TNPO1: variants seen among roughly 807,000 people sequenced by gnomAD.
The protein encoded by TNPO1 is transportin-1.
Under a neutral mutation model 119.5 loss-of-function variants are expected in TNPO1, and 8 were observed. That is an observed-to-expected ratio of 0.07 (90% CI 0.04 to 0.12). The LOEUF is 0.12. Ranked by LOEUF, TNPO1 falls within the 10% of genes least tolerant of loss-of-function variation. The pLI, the probability that TNPO1 is intolerant of heterozygous loss-of-function variation, is 1.00. For missense variants in TNPO1, 576 were observed against 1,089.8 expected (o/e 0.53, Z 6.64); for synonymous variants, 362 against 363.0 (o/e 1.00, Z 0.03).
At chr5:72,864,693 C>T (rs1055865842) in intron 5 of TNPO1, among the ~76,000 whole-genome samples, 2 of 152,260 alleles carry the variant, frequency 1.3e-5, no homozygotes, top group African/African-American at 4.8e-5. Context: ...ACTGCACCCT[C>T]TGCCTCCCAG....
intron 22 of TNPO1, among the ~76,000 whole-genome samples, chr5:72,903,095 A>C (rs1469623866): frequency 1.3e-5 from 2 of 152,190 alleles, no homozygotes; most frequent in African/African-American, 4.8e-5. Flanking sequence ...AAAGCATATT[A>C]TTATCTTGTT....
intron 2 of TNPO1, among the ~76,000 whole-genome samples, chr5:72,849,767 T>C (rs1745409165): frequency 6.6e-6 from 1 of 152,190 alleles, no homozygotes; most frequent in Admixed American, 6.5e-5. Flanking sequence ...GTTTGTATCT[T>C]GTAAACAGTG....
intron 24 of TNPO1, 99 bp downstream of exon 24, chr5:72,905,544 A>G (rs933917290): frequency 1.9e-5 from 11 of 579,952 alleles, no homozygotes; most frequent in Middle Eastern, 3.2e-4. Context: ...TTTGTTTTCT[A>G]TAGAGGTTGA....
At position 72,912,576 on chromosome 5, in the gene TNPO1, T is replaced by C. The variant is rs894410264; in HGVS notation, c.*3903T>C. On this transcript the variant is annotated 3_prime_UTR_variant, in exon 25 of 25. Transcript: ENST00000337273. ...ATCTTTCCATTTAGTCTGATTTTTT[T>C]CCTAATATTCTAGCAGGCTGGGGTG... is the stretch of plus-strand genomic sequence containing the variant. 1.1e-4 allele frequency: 17 copies of C among 152,450 alleles called. No individual in the cohort carries two copies. Among genetic ancestry groups the C allele is most frequent in the African/African-American group, 3.9e-4 (16 of 41,434 alleles). The allele number at this position is 152,450 out of a possible 1,614,324, so 9.4% of individuals were successfully genotyped here.
Position 72,913,871 on chromosome 5 carries a change from TTTAC to T in TNPO1, c.*5202_*5205del, listed in dbSNP as rs935485645. On this transcript the variant is annotated 3_prime_UTR_variant, in exon 25 of 25. Transcript: ENST00000337273. ...AATTAGACAATACTGTATAATTAGT[TTTAC>T]TTAATAGATTATCATCTTGTGAGAA... The T allele has an allele frequency of 5.2e-5, 8 of 152,514 alleles. No individual in the cohort carries two copies. The highest frequency in any genetic ancestry group is 1.9e-4 in the African/African-American group (8 of 41,446). The allele number at this position is 152,514 out of a possible 1,614,324, so 9.4% of individuals were successfully genotyped here.
At chr5:72,840,465 G>A (rs892564271) in intron 1 of TNPO1, among the ~76,000 whole-genome samples, 1 of 152,180 alleles carries the variant, frequency 6.6e-6, no homozygotes, top group Non-Finnish European at 1.5e-5. Context: ...GCATGGTTCA[G>A]ACTTTGGAAT....
At chr5:72,884,376 C>G (rs1207129036) in intron 11 of TNPO1, among the ~76,000 whole-genome samples, 1 of 152,124 alleles carries the variant, frequency 6.6e-6, no homozygotes, top group East Asian at 1.9e-4. Context: ...TGTTTTAATA[C>G]TGTAAGAACA....
intron 1 of TNPO1, among the ~76,000 whole-genome samples, chr5:72,820,597 C>T (rs1441001566): frequency 6.6e-6 from 1 of 152,106 alleles, no homozygotes; most frequent in Admixed American, 6.5e-5. Flanking sequence ...GATGAGAAAA[C>T]AAAGTGTAAA....
intron 16 of TNPO1, 43 bp downstream of exon 16, chr5:72,893,289 A>G (rs760662922): frequency 3.1e-6 from 5 of 1,605,794 alleles, no homozygotes; most frequent in Non-Finnish European, 2.6e-6. Context: ...CATGGTGGAC[A>G]TTTTTCTAAA....
chr5:72,879,003 G>C (rs544685906), intron 9 of TNPO1: 9 of 439,342 alleles, frequency 2.0e-5, no homozygotes, highest in Non-Finnish European at 4.1e-5. Context: ...TTAGTTTGCC[G>C]CCAGGAGTCT....
chr5:72,864,040 A>G (rs1746690799), intron 5 of TNPO1, among the ~76,000 whole-genome samples: 1 of 152,186 alleles, frequency 6.6e-6, no homozygotes, highest in Non-Finnish European at 1.5e-5. Flanking sequence ...ATGGAGTGAT[A>G]GCTAAATGTT....
chr5:72,861,903 A>G lies in TNPO1; in HGVS notation c.451A>G (p.Asn151Asp). 1.2e-6 allele frequency: 2 copies of G among 1,609,130 alleles called. No individual in the cohort carries two copies. Among genetic ancestry groups the G allele is most frequent in the Non-Finnish European group, 1.7e-6 (2 of 1,175,514 alleles). Residue 151 changes from asparagine (N) to aspartate (D), a missense_variant, in exon 5 of 25, where the codon AAT (asparagine) becomes GAT (aspartate). Coordinates refer to ENST00000337273, the MANE Select transcript of TNPO1 (RefSeq NM_002270.4). ...TAGCCTGTTGGATTCTGAAGATTAT[A>G]ATACCTGTGAGGTAAGGATATTTGT... ...LCSLLDSEDY[N>D]TCEGAFGALQ...
In TNPO1 at chr5:72,851,316, GA is replaced by G; in HGVS notation, c.204del (p.Asp69MetfsTer7). ...TTTTGTTCTTACAAAATTAAAATCT[GA>G]AGGTAAGTAGGATTTGTATTGATAA... ...LIFVLTKLKS[E>X]DEPTRSLSGL... On this transcript the variant is annotated frameshift_variant and splice_region_variant, in exon 3 of 25. Coordinates refer to ENST00000337273, the MANE Select transcript of TNPO1 (RefSeq NM_002270.4). LOFTEE classifies it high-confidence loss of function. 1 of 1,548,196 alleles carries G rather than the reference GA, an allele frequency of 6.5e-7. No homozygotes were observed.
intron 1 of TNPO1, among the ~76,000 whole-genome samples, chr5:72,837,559 C>T (rs1225524661): frequency 6.6e-6 from 1 of 152,152 alleles, no homozygotes; most frequent in African/African-American, 2.4e-5. Flanking sequence ...ACATTCAAAC[C>T]ATAGCATCAC....
intron 1 of TNPO1, among the ~76,000 whole-genome samples, chr5:72,847,617 C>T (rs1321734549): frequency 2.0e-5 from 3 of 152,180 alleles, no homozygotes; most frequent in South Asian, 2.1e-4. Flanking sequence ...GTGTTTCCTT[C>T]GACCCAAAGT....
At chr5:72,884,938 AC>A (rs998444925) in intron 11 of TNPO1, among the ~76,000 whole-genome samples, 37 of 152,206 alleles carry the variant, frequency 2.4e-4, no homozygotes, top group African/African-American at 8.7e-4. Flanking sequence ...TAGAGCCACT[AC>A]TCTAGTTCAA....
chr5:72,906,099 A>G (rs143275864), intron 24 of TNPO1, among the ~76,000 whole-genome samples: 5 of 151,950 alleles, frequency 3.3e-5, no homozygotes, highest in African/African-American at 1.2e-4. Context: ...CGGCACTCAT[A>G]GTGATGGGGT....
chr5:72,860,459 T>A (rs991817778), intron 4 of TNPO1, among the ~76,000 whole-genome samples: 1 of 152,232 alleles, frequency 6.6e-6, no homozygotes, highest in African/African-American at 2.4e-5. Context: ...TGTCCTTGTG[T>A]TTGTGTTAAC....
Position 72,913,614 on chromosome 5 carries a change from A to G in TNPO1, c.*4941A>G, listed in dbSNP as rs1295052277. The G allele has an allele frequency of 6.6e-6, 1 of 152,632 alleles. No homozygotes were observed. Among genetic ancestry groups the G allele is most frequent in the African/African-American group, 2.4e-5 (1 of 41,568 alleles). 9.5% of individuals were successfully genotyped at this position (152,632 alleles called of 1,614,324 possible). ...TTATTGCAGTTTTTGTTTATCTGCCATAGAATTTCCTTATACTGTGGCTTG... is the reference window on the plus strand; with the variant it reads ...TTATTGCAGTTTTTGTTTATCTGCCGTAGAATTTCCTTATACTGTGGCTTG... On this transcript the variant is annotated 3_prime_UTR_variant, in exon 25 of 25. Transcript: ENST00000337273.
Sources: gnomAD v4.1 joint callset for allele counts (sites outside exome capture counted in the v4.1 genomes callset) on GRCh38, gnomAD v4.1.1 for gene constraint, MANE v1.5 for transcripts, NCBI Gene and HGNC (gene_info 2026-07-23, HGNC 2026-07-21) for gene names.